The following PRR12 variants were observed in gnomAD, a reference collection of about 807,000 sequenced individuals.
The protein encoded by PRR12 is proline-rich protein 12.
In PRR12, 12 loss-of-function variants were observed where a neutral mutation model predicts 138.0. That is an observed-to-expected ratio of 0.09 (90% CI 0.06 to 0.14). PRR12 has a LOEUF of 0.14. PRR12 is among the 10% of genes least tolerant of loss of function. PRR12 has a pLI of 1.00. For missense variants in PRR12, 2,692 were observed against 2,861.3 expected, an observed-to-expected ratio of 0.94 and a Z score of 1.35; for synonymous variants, 1,567 against 1,291.7, an observed-to-expected ratio of 1.21 and a Z score of -4.57.
chr19:49,601,601 C>A lies in PRR12; in HGVS notation c.4456C>A (p.Pro1486Thr), dbSNP rs768710248. Residue 1486 changes from proline to threonine, a missense_variant, in exon 6 of 14, where the codon CCC becomes ACC. This residue lies in a region of PRR12 where 231 missense variants were observed against 200.8 expected (regional missense o/e 1.15). Coordinates refer to ENST00000418929, the MANE Select transcript of PRR12 (RefSeq NM_020719.3). The stretch of plus-strand genomic sequence containing the variant: ...GCCACAGCCAGCCCTGCCCTCGCCA[C>A]CCCCGCTGGTGGCCCCCACGCCCAG... ...PPPQPALPSP[P>T]PLVAPTPSSP... The A allele has an allele frequency of 6.5e-7, 1 of 1,543,632 alleles. No homozygotes were observed. The highest frequency in any genetic ancestry group is 1.2e-5 in the South Asian group (1 of 83,910).
At position 49,596,929 on chromosome 19, in the gene PRR12, G is replaced by T; in HGVS notation, c.2594G>T (p.Ser865Ile). The part of the protein sequence containing the change: ...RSHGLEPAAP[S>I]PRLRPEESLD... Reference sequence around the variant, plus strand: ...CATGGCCTGGAGCCCGCGGCCCCCAGCCCCCGCCTGCGACCCGAGGAGAGC... The same window carrying T: ...CATGGCCTGGAGCCCGCGGCCCCCATCCCCCGCCTGCGACCCGAGGAGAGC... The change falls in exon 4 of 14, where the codon AGC becomes ATC. Residue 865 changes from serine to isoleucine, a missense_variant. Physicochemically the swap from Ser to Ile is moderately radical, Grantham distance 142. This residue lies in a region of PRR12 where 840 missense variants were observed against 689.8 expected (regional missense o/e 1.22). Transcript: ENST00000418929. This position sits in a 1 kb window ranked among gnomAD's most constrained non-coding sequence, Gnocchi z 5.6. 1 of 1,424,404 alleles carries T rather than the reference G, an allele frequency of 7.0e-7. No individual in the cohort carries two copies. The highest frequency in any genetic ancestry group is 9.3e-7 in the Non-Finnish European group (1 of 1,076,310). 88.2% of individuals were successfully genotyped at this position (1,424,404 alleles called of 1,614,324 possible).
chr19:49,600,010 G>T (rs2080801270), intron 5 of PRR12, 72 bp downstream of exon 5: 1 of 1,401,678 alleles, frequency 7.1e-7, no homozygotes, highest in African/African-American at 1.4e-5. Context: ...AGTTGTGCAG[G>T]TTACGCACTG....
At position 49,619,851 on chromosome 19, in the gene PRR12, CTTTTTTTTTTT is replaced by C. The variant is rs55707507; in HGVS notation, c.5498-486_5498-476del. On this transcript the variant is annotated intron_variant, in intron 9 of 13. Coordinates refer to ENST00000418929, the MANE Select transcript of PRR12 (RefSeq NM_020719.3). ...GCACTTTATGGGCTACAATGCCTGGCTTTTTTTTTTTTTTTTTTTTTTTTTGGAGACGAGTT... is the reference window on the plus strand; with the variant it reads ...GCACTTTATGGGCTACAATGCCTGGCTTTTTTTTTTTTTTGGAGACGAGTT... 7.8e-4 allele frequency among the ~76,000 whole-genome samples: 42 copies of C among 53,954 alleles called. No individual in the cohort carries two copies. In the East Asian group the frequency reaches 0.018, roughly 24 times the overall value. 35.4% of individuals were successfully genotyped at this position (53,954 alleles called of 152,430 possible).
At chr19:49,610,733 C>T (rs1160510923) in intron 6 of PRR12, among the ~76,000 whole-genome samples, 7 of 151,884 alleles carry the variant, frequency 4.6e-5, no homozygotes, top group Admixed American at 2.6e-4. Context: ...TTAGTAGAGA[C>T]GGGGTTTCAC....
intron 8 of PRR12, 47 bp from the exon 9 acceptor site, chr19:49,615,700 G>T: frequency 3.3e-6 from 5 of 1,526,232 alleles, no homozygotes; most frequent in Non-Finnish European, 4.5e-6. Context: ...GGAGAATTTG[G>T]ATTATTGGGG....
In PRR12 at chr19:49,621,655, G is replaced by T. The variant is rs575490192; in HGVS notation, c.5721+33G>T. The stretch of plus-strand genomic sequence containing the variant: ...GGGGTCTGGGCAGGGGGTGTCTGGG[G>T]CCCAGGGTCCACATGGAGAAGACAT... On this transcript the variant is annotated intron_variant, in intron 11 of 13. Coordinates refer to ENST00000418929, the MANE Select transcript of PRR12 (RefSeq NM_020719.3). 8 of 1,517,188 alleles carry T rather than the reference G, an allele frequency of 5.3e-6. No homozygotes were observed. The East Asian group carries it at 1.7e-4, about 32-fold the overall frequency. The allele number at this position is 1,517,188 out of a possible 1,614,324, so 94.0% of individuals were successfully genotyped here.
In PRR12 at chr19:49,595,294, A is replaced by G. The variant is rs2080758437; in HGVS notation, c.959A>G (p.Tyr320Cys). ...LQHYLSCGGS[Y>C]PSMGHRANLA... Reference sequence around the variant, plus strand: ...CACTATCTGAGCTGTGGAGGCAGCTACCCCTCCATGGGCCACCGGGCCAAC... The same window carrying G: ...CACTATCTGAGCTGTGGAGGCAGCTGCCCCTCCATGGGCCACCGGGCCAAC... Residue 320 changes from tyrosine to cysteine, a missense_variant, in exon 4 of 14, where the codon TAC (tyrosine) becomes TGC (cysteine). By Grantham distance (194) the Tyr-to-Cys change is radical (BLOSUM62 -2). Coordinates refer to ENST00000418929, the MANE Select transcript of PRR12 (RefSeq NM_020719.3). The G allele has an allele frequency of 6.5e-7, 1 of 1,544,754 alleles. No individual in the cohort carries two copies. Among genetic ancestry groups the G allele is most frequent in the Non-Finnish European group, 8.7e-7 (1 of 1,146,148 alleles).
chr19:49,620,828 G>A (rs2080918757), intron 10 of PRR12, among the ~76,000 whole-genome samples: 1 of 148,608 alleles, frequency 6.7e-6, no homozygotes, highest in Admixed American at 6.7e-5. Flanking sequence ...TGGACTCCTG[G>A]GTTTGAGGGA....
chr19:49,594,328 A>G lies in PRR12; in HGVS notation c.200-126A>G. On this transcript the variant is annotated intron_variant, in intron 2 of 13. Transcript: ENST00000418929. The surrounding 1 kb of genome is among the most constrained non-coding windows in gnomAD (Gnocchi z 5.6). ...TTGGTTCTATCCATCTTGTTTTTGA[A>G]TTTGCCCTTTTCTCTCCCATCCCCT... The G allele has an allele frequency of 1.2e-6, 1 of 835,480 alleles. No individual in the cohort carries two copies. The allele number at this position is 835,480 out of a possible 1,614,324, so 51.8% of individuals were successfully genotyped here. A position where few individuals can be genotyped will look rare whatever the true frequency, so the allele number is the denominator to read the frequency against.
chr19:49,599,583 T>C lies in PRR12; in HGVS notation c.3990T>C (p.Pro1330=). The change falls in exon 5 of 14, where the codon CCT becomes CCC. Residue 1330 remains proline, a synonymous_variant. Transcript: ENST00000418929. The surrounding 1 kb of genome is among the most constrained non-coding windows in gnomAD (Gnocchi z 5.0). The part of the protein sequence containing the change: ...RGLQPQPPAT[P]AVPHPPPSGA... ...TGCAGCCCCAGCCCCCTGCCACCCC[T>C]GCTGTGCCACATCCCCCACCTTCCG... 1 of 1,595,936 alleles carries C rather than the reference T, an allele frequency of 6.3e-7. No homozygotes were observed. Among genetic ancestry groups the C allele is most frequent in the Non-Finnish European group, 8.5e-7 (1 of 1,170,886 alleles).
intron 6 of PRR12, among the ~76,000 whole-genome samples, chr19:49,605,377 C>T (rs1169421921): frequency 6.6e-6 from 1 of 152,098 alleles, no homozygotes; most frequent in Non-Finnish European, 1.5e-5. Flanking sequence ...ATTCTCCTGC[C>T]TCAGCCTCCC....
In PRR12 at chr19:49,597,373, A is replaced by G. The variant is rs868459361; in HGVS notation, c.3038A>G (p.Asn1013Ser). 1.4e-5 allele frequency: 22 copies of G among 1,537,688 alleles called. No individual in the cohort carries two copies. The highest frequency in any genetic ancestry group is 3.3e-4 in the Middle Eastern group (2 of 6,014). ...ACACCGGGCCTGGGCCTGGACCCCA[A>G]CAAACCGCCTGAACTGCCCTCCACG... ...PETPGLGLDP[N>S]KPPELPSTVN... Residue 1013 changes from asparagine (N) to serine (S), a missense_variant, in exon 4 of 14, where the codon AAC (asparagine) becomes AGC (serine). This residue lies in a region of PRR12 where 840 missense variants were observed against 689.8 expected (regional missense o/e 1.22). Coordinates refer to ENST00000418929, the MANE Select transcript of PRR12 (RefSeq NM_020719.3). This position sits in a 1 kb window ranked among gnomAD's most constrained non-coding sequence, Gnocchi z 6.3.
Position 49,625,456 on chromosome 19 carries a change from T to C in PRR12, c.5965-5T>C, listed in dbSNP as rs1206055941. 1.2e-6 allele frequency: 2 copies of C among 1,602,124 alleles called. No individual in the cohort carries two copies. Among genetic ancestry groups the C allele is most frequent in the Non-Finnish European group, 1.7e-6 (2 of 1,174,628 alleles). On this transcript the variant is annotated splice_region_variant and splice_polypyrimidine_tract_variant and intron_variant, in intron 13 of 13. Coordinates refer to ENST00000418929, the MANE Select transcript of PRR12 (RefSeq NM_020719.3). The surrounding 1 kb of genome is among the most constrained non-coding windows in gnomAD (Gnocchi z 5.5). ...CCTCCCCAGTGCCATGTTTGACCCC[T>C]GCAGACCCTGGCCATCGAGGGCGGC...
intron 1 of PRR12, among the ~76,000 whole-genome samples, chr19:49,592,610 G>A (rs1220058146): frequency 1.3e-5 from 2 of 152,118 alleles, no homozygotes; most frequent in Non-Finnish European, 2.9e-5. Flanking sequence ...AACCCCAAGT[G>A]TGTCAGGATT....
At position 49,591,229 on chromosome 19, in the gene PRR12, AGAG is replaced by A. The variant is rs1199214725; in HGVS notation, c.-415_-413del. On this transcript the variant is annotated 5_prime_UTR_variant, in exon 1 of 14. Coordinates refer to ENST00000418929, the MANE Select transcript of PRR12 (RefSeq NM_020719.3). ...GCAAAGATGGCTGCACCGTGAGCGCAGAGGAGGAGGAGGCGGCGGCGGCGGCGG... is the reference window on the plus strand; with the variant it reads ...GCAAAGATGGCTGCACCGTGAGCGCAGAGGAGGAGGCGGCGGCGGCGGCGG... 1.1e-4 allele frequency among the ~76,000 whole-genome samples: 14 copies of A among 126,546 alleles called. No homozygotes were observed. The highest frequency in any genetic ancestry group is 3.5e-4 in the African/African-American group (12 of 33,910). 83.0% of individuals were successfully genotyped at this position (126,546 alleles called of 152,430 possible).
At chr19:49,619,134 C>A (rs1178652202) in intron 9 of PRR12, among the ~76,000 whole-genome samples, 1 of 151,644 alleles carries the variant, frequency 6.6e-6, no homozygotes, top group Admixed American at 6.6e-5. Flanking sequence ...TTTAGACTTA[C>A]GTGAAGCCAC....
At position 49,595,901 on chromosome 19, in the gene PRR12, G is replaced by A. The variant is rs775761988; in HGVS notation, c.1566G>A (p.Gln522=). 2.5e-6 allele frequency: 4 copies of A among 1,603,078 alleles called. No individual in the cohort carries two copies. The Admixed American group carries it at 6.7e-5, about 27-fold the overall frequency. ...EPYPGPAAHS[Q]GLPTASPSLS... ...ACCCAGGGCCAGCCGCCCACTCCCA[G>A]GGGCTGCCCACAGCCAGCCCCTCGC... Residue 522 remains glutamine (Q), a synonymous_variant, in exon 4 of 14, where the codon CAG becomes CAA. Transcript: ENST00000418929.
Position 49,601,764 on chromosome 19 carries a change from T to C in PRR12, c.4619T>C (p.Leu1540Pro). ...PAAPSPEDPE[L>P]PDTRPLHLAK... The stretch of plus-strand genomic sequence containing the variant: ...GCCCCGTCTCCCGAAGACCCCGAGC[T>C]GCCGGACACCCGGCCCCTGCATCTG... Residue 1540 changes from leucine (L) to proline (P), a missense_variant, in exon 6 of 14, where the codon CTG (leucine) becomes CCG (proline). Coordinates refer to ENST00000418929, the MANE Select transcript of PRR12 (RefSeq NM_020719.3). 6.3e-7 allele frequency: 1 copy of C among 1,593,140 alleles called. No homozygotes were observed. The highest frequency in any genetic ancestry group is 8.5e-7 in the Non-Finnish European group (1 of 1,172,128).
rs748653785 is a variant in PRR12 at position 49,620,354 on chromosome 19, C to G, written c.5500C>G (p.Arg1834Gly). 13 of 1,612,896 alleles carry G rather than the reference C, an allele frequency of 8.1e-6. No individual in the cohort carries two copies. Among genetic ancestry groups the G allele is most frequent in the Non-Finnish European group, 1.0e-5 (12 of 1,179,518 alleles). ...CCTGCGTCCTGTCTTTTCTGCAGAG[C>G]GGGCAGTACCTGGGCGTCTGCTCAA... ...SSPGAPSEDE[R>G]AVPGRLLKTR... Residue 1834 changes from arginine to glycine, a missense_variant and splice_region_variant, in exon 10 of 14, where the codon CGG becomes GGG. By Grantham distance (125) the Arg-to-Gly change is moderately radical. This residue lies in a region of PRR12 where 259 missense variants were observed against 265.1 expected (regional missense o/e 0.98). Transcript: ENST00000418929.
Sources: gnomAD v4.1 joint callset for allele counts (sites outside exome capture counted in the v4.1 genomes callset) on GRCh38, gnomAD v4.1.1 for gene constraint, gnomAD v4.1.1 regional missense constraint, Gnocchi (gnomAD v3.1) non-coding constraint, MANE v1.5 for transcripts, NCBI Gene and HGNC (gene_info 2026-07-23, HGNC 2026-07-21) for gene names.